Variants in RASSF8 observed in about 807,000 individuals in gnomAD.
RASSF8 encodes ras association domain-containing protein 8.
RASSF8 carries 22 observed loss-of-function variants against 48.5 expected under a neutral mutation model. The ratio of observed to expected loss-of-function variants is 0.45; its 90% CI spans 0.32 to 0.65. The LOEUF (loss-of-function observed/expected upper bound fraction) is 0.65, where lower values mean the gene tolerates loss of function less well. Ranked by LOEUF, RASSF8 falls within the 30% of genes least tolerant of loss-of-function variation. The pLI is 0.03. For missense variants in RASSF8, 418 were observed against 489.2 expected, an observed-to-expected ratio of 0.85 and a Z score of 1.37; for synonymous variants, 127 against 171.5, an observed-to-expected ratio of 0.74 and a Z score of 2.03.
chr12:25,983,477 A>C (rs966363346), intron 1 of RASSF8, among the ~76,000 whole-genome samples: 1 of 152,220 alleles, frequency 6.6e-6, no homozygotes, highest in Non-Finnish European at 1.5e-5. Flanking sequence ...AACTGATCTT[A>C]TCAGTTCTCT....
rs1263685439 is a variant in RASSF8 at position 25,958,740 on chromosome 12, C to T, written c.-611C>T. On this transcript the variant is annotated 5_prime_UTR_variant, in exon 1 of 6. The change creates a new upstream start codon in the 5' untranslated region. Coordinates refer to ENST00000689635, the MANE Select transcript of RASSF8 (RefSeq NM_001394098.1). ...GACTCCTACGCCCGCGCTCCTCCTACGCCCGCGCTCGTCCGGCGCCCCGCG... is the reference window on the plus strand; with the variant it reads ...GACTCCTACGCCCGCGCTCCTCCTATGCCCGCGCTCGTCCGGCGCCCCGCG... Among the ~76,000 whole-genome samples, 2 of 146,706 alleles carry T rather than the reference C, an allele frequency of 1.4e-5. No homozygotes were observed. The highest frequency in any genetic ancestry group is 1.4e-4 in the Admixed American group (2 of 14,790).
At chr12:25,980,048 C>T (rs1941702873) in intron 1 of RASSF8, among the ~76,000 whole-genome samples, 1 of 152,194 alleles carries the variant, frequency 6.6e-6, no homozygotes, top group African/African-American at 2.4e-5. Flanking sequence ...AAAATTTAGG[C>T]ATGAGAAACT....
intron 1 of RASSF8, among the ~76,000 whole-genome samples, chr12:25,979,906 A>T (rs550028282): frequency 9.2e-5 from 14 of 152,292 alleles, no homozygotes; most frequent in African/African-American, 3.1e-4. Flanking sequence ...CGGGTGAAGG[A>T]TGTAGCAGGT....
chr12:26,026,037 G>C (rs111588165), intron 2 of RASSF8, among the ~76,000 whole-genome samples: 1 of 152,080 alleles, frequency 6.6e-6, no homozygotes, highest in Non-Finnish European at 1.5e-5. Flanking sequence ...ACTCATAGAC[G>C]TAAACTTAGG....
At chr12:26,022,475 A>G (rs1241254790) in intron 2 of RASSF8, among the ~76,000 whole-genome samples, 2 of 152,186 alleles carry the variant, frequency 1.3e-5, no homozygotes, top group Admixed American at 6.5e-5. Context: ...GAAACAGGAA[A>G]GTGTGCCCCA....
intron 1 of RASSF8, among the ~76,000 whole-genome samples, chr12:25,975,030 T>C (rs907622559): frequency 2.0e-5 from 3 of 152,058 alleles, no homozygotes; most frequent in Non-Finnish European, 4.4e-5. Flanking sequence ...ATGGATAAAA[T>C]AGAGATGTGG....
downstream of RASSF8, among the ~76,000 whole-genome samples, chr12:26,076,670 G>A (rs990419273): frequency 6.6e-6 from 1 of 152,122 alleles, no homozygotes; most frequent in African/African-American, 2.4e-5. Flanking sequence ...ATCATTGATG[G>A]ACATTTGGGT....
chr12:26,007,295 A>G (rs1015126528), intron 2 of RASSF8, among the ~76,000 whole-genome samples: 1 of 152,210 alleles, frequency 6.6e-6, no homozygotes, highest in African/African-American at 2.4e-5. Flanking sequence ...GACTGGAGGA[A>G]GTTATAGGTG....
rs1267188080 is a variant in RASSF8 at position 25,991,345 on chromosome 12, A to G, written c.-202-3692A>G. 2.6e-5 allele frequency among the ~76,000 whole-genome samples: 4 copies of G among 152,266 alleles called. No individual in the cohort carries two copies. The South Asian group carries it at 8.3e-4, about 32-fold the overall frequency. On this transcript the variant is annotated intron_variant, in intron 1 of 5. Coordinates refer to ENST00000689635, the MANE Select transcript of RASSF8 (RefSeq NM_001394098.1). The stretch of plus-strand genomic sequence containing the variant: ...ATAACTTCTATTTGCATTGCTATAA[A>G]CTATTTAATTTAAATAAATTACTTA...
chr12:26,063,840 T>C (rs973733503), intron 3 of RASSF8, among the ~76,000 whole-genome samples: 15 of 151,992 alleles, frequency 9.9e-5, no homozygotes, highest in Non-Finnish European at 1.8e-4. Context: ...TTTTGAAGAG[T>C]TTTTTTCATT....
intron 2 of RASSF8, among the ~76,000 whole-genome samples, chr12:26,044,641 A>G (rs2137177138): frequency 6.6e-6 from 1 of 152,316 alleles, no homozygotes; most frequent in South Asian, 2.1e-4. Context: ...TCAATTCTAT[A>G]TGTAGAATAC....
intron 1 of RASSF8, among the ~76,000 whole-genome samples, chr12:25,976,418 C>G (rs892084457): frequency 9.2e-5 from 14 of 152,148 alleles, no homozygotes; most frequent in African/African-American, 3.4e-4. Flanking sequence ...AGAAGTATAA[C>G]TTTGTAACTT....
At chr12:25,967,942 G>T (rs867695576) in intron 1 of RASSF8, among the ~76,000 whole-genome samples, 6 of 152,288 alleles carry the variant, frequency 3.9e-5, no homozygotes, top group Middle Eastern at 3.4e-3. Flanking sequence ...CCTGGATCCC[G>T]CTGTCTTCGG....
intron 1 of RASSF8, among the ~76,000 whole-genome samples, chr12:25,968,861 A>G (rs182453189): frequency 2.0e-5 from 3 of 152,326 alleles, no homozygotes; most frequent in East Asian, 3.9e-4. Flanking sequence ...TGAAAATGCT[A>G]GGGGTGGGAG....
At chr12:26,021,609 A>C (rs1156808059) in intron 2 of RASSF8, 1 of 152,264 alleles carries the variant, frequency 6.6e-6, no homozygotes, top group Non-Finnish European at 1.5e-5. Flanking sequence ...GCAAGCCTAG[A>C]ATACTGGGGC....
chr12:25,987,922 T>G (rs2246596), intron 1 of RASSF8, among the ~76,000 whole-genome samples: 136,232 of 151,892 alleles, frequency 0.9, 61,237 homozygotes, highest in East Asian at 0.99. Context: ...CGTGATCTCG[T>G]CTCACTGCAA....
At chr12:26,065,593 C>T (rs1943855763) in intron 4 of RASSF8, among the ~76,000 whole-genome samples, 1 of 152,142 alleles carries the variant, frequency 6.6e-6, no homozygotes, top group African/African-American at 2.4e-5. Context: ...AGAGCCTTGT[C>T]TTACTGTGAC....
chr12:26,037,168 G>A (rs555378435), intron 2 of RASSF8, among the ~76,000 whole-genome samples: 3 of 152,146 alleles, frequency 2.0e-5, no homozygotes, highest in African/African-American at 4.8e-5. Flanking sequence ...TACCCAGGGC[G>A]GGGCAGTAGG....
At chr12:26,021,727 A>C (rs937671148) in intron 2 of RASSF8, among the ~76,000 whole-genome samples, 8 of 152,174 alleles carry the variant, frequency 5.3e-5, no homozygotes, top group Non-Finnish European at 1.2e-4. Flanking sequence ...GAGAAAGGCA[A>C]GCCAAGAATA....
Sources: allele counts gnomAD v4.1 joint callset (sites outside exome capture counted in the v4.1 genomes callset), GRCh38; gene constraint gnomAD v4.1.1; transcripts MANE v1.5; gene names NCBI Gene and HGNC (gene_info 2026-07-23, HGNC 2026-07-21).